The following TTR variants were observed in gnomAD, a reference collection of about 807,000 sequenced individuals.
TTR encodes the protein epididymis luminal protein 111.
TTR carries 8 observed loss-of-function variants against 13.7 expected under a neutral mutation model. That is an observed-to-expected ratio of 0.58 (90% CI 0.34 to 1.05). The LOEUF is 1.05. Among genes scored for constraint, TTR ranks in the 50% least tolerant of loss-of-function variants. The pLI is 0.02. For missense variants in TTR, 135 were observed against 185.5 expected (o/e 0.73, Z 1.58); for synonymous variants, 75 against 71.7 (o/e 1.05, Z -0.23).
intron 3 of TTR, chr18:31,595,490 C>G: frequency 1.5e-6 from 1 of 649,692 alleles, no homozygotes; most frequent in East Asian, 3.1e-5. Flanking sequence ...CATGAAACTA[C>G]TCATAGTCTA....
rs138065384 is a variant in TTR, at chr18:31,593,016, T to C, written c.190T>C (p.Phe64Leu). Reference protein sequence around the residue: ...RKAADDTWEPFASGKTSESGE... With the variant: ...RKAADDTWEPLASGKTSESGE... ...GGCTGCTGATGACACCTGGGAGCCATTTGCCTCTGGGTAAGTTGCCAAAGA... is the reference window on the plus strand; with the variant it reads ...GGCTGCTGATGACACCTGGGAGCCACTTGCCTCTGGGTAAGTTGCCAAAGA... The change falls in exon 2 of 4, where the codon TTT (phenylalanine) becomes CTT (leucine). Residue 64 changes from phenylalanine to leucine, a missense_variant. Transcript: ENST00000237014. 2.7e-5 allele frequency: 44 copies of C among 1,613,894 alleles called. No individual in the cohort carries two copies. The African/African-American group carries it at 5.7e-4, about 21-fold the overall frequency.
intron 2 of TTR, among the ~76,000 whole-genome samples, chr18:31,594,424 G>C (rs896148459): frequency 6.6e-6 from 1 of 152,160 alleles, no homozygotes; most frequent in Admixed American, 6.5e-5. Flanking sequence ...ATACTCCCTG[G>C]TGGTGTGCAG....
chr18:31,598,501 T>A, intron 3 of TTR, 67 bp from the exon 4 acceptor site: 1 of 1,475,450 alleles, frequency 6.8e-7, no homozygotes, highest in Non-Finnish European at 9.5e-7. Context: ...CGGTGGTCAG[T>A]CATGTGTGTC....
intron 3 of TTR, 113 bp from the exon 4 acceptor site, chr18:31,598,455 A>G: frequency 9.6e-7 from 1 of 1,047,068 alleles, no homozygotes; most frequent in Non-Finnish European, 1.5e-6. Flanking sequence ...TCCAAAATAT[A>G]AAAGAATAAA....
intron 2 of TTR, among the ~76,000 whole-genome samples, chr18:31,594,864 CA>C (rs201127578): frequency 0.024 from 3,314 of 136,754 alleles, 119 homozygotes; most frequent in African/African-American, 0.076. Context: ...AACTCTGTCT[CA>C]AAAAAAAAAA....
rs1485205541 is a variant in TTR, at chr18:31,593,041, A to G, written c.200+15A>G. ...TTTGCCTCTGGGTAAGTTGCCAAAG[A>G]ACCCTCCCACAGGACTTGGTTTTAT... On this transcript the variant is annotated intron_variant, in intron 2 of 3. Coordinates refer to ENST00000237014, the MANE Select transcript of TTR (RefSeq NM_000371.4). 1.9e-6 allele frequency: 3 copies of G among 1,613,450 alleles called. No individual in the cohort carries two copies. The highest frequency in any genetic ancestry group is 2.2e-5 in the East Asian group (1 of 44,856).
intron 3 of TTR, among the ~76,000 whole-genome samples, chr18:31,598,255 T>C (rs2144413656): frequency 6.6e-6 from 1 of 152,302 alleles, no homozygotes; most frequent in South Asian, 2.1e-4. Context: ...CTTTTTTTTC[T>C]AAAACCAATA....
chr18:31,592,006 A>G (rs1237029157), intron 1 of TTR, 35 bp downstream of exon 1: 2 of 1,610,654 alleles, frequency 1.2e-6, no homozygotes, highest in Non-Finnish European at 1.7e-6. Flanking sequence ...TCCTACATTT[A>G]AGATTCACGC....
chr18:31,592,877 G>A lies in TTR; in HGVS notation c.70-19G>A, dbSNP rs548935944. The A allele has an allele frequency of 2.2e-5, 35 of 1,613,104 alleles. 1 individual carries two copies. Among genetic ancestry groups the A allele is most frequent in the African/African-American group, 1.1e-4 (8 of 74,976 alleles). On this transcript the variant is annotated intron_variant, in intron 1 of 3. Coordinates refer to ENST00000237014, the MANE Select transcript of TTR (RefSeq NM_000371.4). ...CTGATCAATTTTGTTAACTTCTCAC[G>A]TGTCTTCTCTACACCCAGGGCACCG... is the stretch of plus-strand genomic sequence containing the variant.
intron 3 of TTR, chr18:31,595,848 C>A: frequency 5.2e-6 from 1 of 192,446 alleles, no homozygotes; most frequent in Non-Finnish European, 1.1e-5. Context: ...CTATTATTAT[C>A]CCCATCTTAT....
chr18:31,595,617 G>A, intron 3 of TTR: 2 of 372,730 alleles, frequency 5.4e-6, no homozygotes, highest in Non-Finnish European at 1.0e-5. Context: ...TTTATTTCTC[G>A]AAAACCCGTA....
In TTR at chr18:31,592,911, A is replaced by T. The variant is rs1323375123; in HGVS notation, c.85A>T (p.Lys29Ter). 6.2e-7 allele frequency: 1 copy of T among 1,614,016 alleles called. No individual in the cohort carries two copies. The highest frequency in any genetic ancestry group is 1.7e-5 in the Admixed American group (1 of 60,018). The part of the protein sequence containing the change: ...EAGPTGTGES[K>*]CPLMVKVLDA... ...CTACACCCAGGGCACCGGTGAATCC[A>T]AGTGTCCTCTGATGGTCAAAGTTCT... is the stretch of plus-strand genomic sequence containing the variant. The change falls in exon 2 of 4, where the codon AAG (lysine) becomes TAG (stop). Residue 29 changes from lysine to a stop codon, truncating the protein, a stop_gained. Transcript: ENST00000237014. LOFTEE classifies it high-confidence loss of function.
chr18:31,594,972 G>A (rs1598844999), intron 2 of TTR, 148 bp from the exon 3 acceptor site: 1 of 926,872 alleles, frequency 1.1e-6, no homozygotes, highest in East Asian at 2.7e-5. Context: ...TCAGTTAGGA[G>A]TTTTCCCTAC....
At chr18:31,593,698 C>T (rs1324343931) in intron 2 of TTR, among the ~76,000 whole-genome samples, 1 of 152,082 alleles carries the variant, frequency 6.6e-6, no homozygotes, top group Non-Finnish European at 1.5e-5. Context: ...GCTAATCCCA[C>T]GATCACCCGA....
At chr18:31,592,193 A>G (rs552030844) in intron 1 of TTR, among the ~76,000 whole-genome samples, 132 of 152,304 alleles carry the variant, frequency 8.7e-4, no homozygotes, top group African/African-American at 2.8e-3. Flanking sequence ...GCTTTGGTGC[A>G]TTAGGTTTGT....
chr18:31,595,050 G>C (rs1262649681), intron 2 of TTR, 70 bp from the exon 3 acceptor site: 2 of 1,526,052 alleles, frequency 1.3e-6, no homozygotes, highest in Non-Finnish European at 1.8e-6. Context: ...TAGTTGGTGG[G>C]GGTGTATTAC....
rs768056836 is a variant in TTR, at chr18:31,598,493, G to T, written c.337-75G>T. 6.5e-6 allele frequency: 9 copies of T among 1,394,760 alleles called. No homozygotes were observed. In the African/African-American group the frequency reaches 7.1e-5, roughly 11 times the overall value. The allele number at this position is 1,394,760 out of a possible 1,614,324, so 86.4% of individuals were successfully genotyped here. On this transcript the variant is annotated intron_variant, in intron 3 of 3. Transcript: ENST00000237014. Reference sequence around the variant, plus strand: ...TAATTAAGTTGGCACTGGACTTCCGGTGGTCAGTCATGTGTGTCATCTGTC... The same window carrying T: ...TAATTAAGTTGGCACTGGACTTCCGTTGGTCAGTCATGTGTGTCATCTGTC...
At chr18:31,595,950 C>T (rs2073514584) in intron 3 of TTR, 1 of 163,988 alleles carries the variant, frequency 6.1e-6, no homozygotes, top group African/African-American at 2.4e-5. Context: ...ACAATTAAGG[C>T]CCAGGCTGGG....
intron 2 of TTR, among the ~76,000 whole-genome samples, chr18:31,594,682 G>T (rs917694432): frequency 6.6e-5 from 10 of 152,060 alleles, no homozygotes; most frequent in Non-Finnish European, 1.0e-4. Context: ...TGGCCAACAT[G>T]GCAAAACTCC....
Sources: allele counts gnomAD v4.1 joint callset (sites outside exome capture counted in the v4.1 genomes callset), GRCh38; gene constraint gnomAD v4.1.1; transcripts MANE v1.5; gene names NCBI Gene and HGNC (gene_info 2026-07-23, HGNC 2026-07-21).